CCDC177: variants seen among roughly 807,000 people sequenced by gnomAD.
The protein encoded by CCDC177 is coiled-coil domain-containing protein 177.
A neutral mutation model predicts 7.3 loss-of-function variants in CCDC177; 2 were observed. The ratio of observed to expected loss-of-function variants is 0.28; its 90% CI spans 0.11 to 0.87. The LOEUF is 0.87. Among genes scored for constraint, CCDC177 ranks in the 40% least tolerant of loss-of-function variants. The pLI is 0.61. For synonymous variants in CCDC177, 401 were observed against 449.2 expected (o/e 0.89, Z 1.36); for missense variants, 874 against 970.5 (o/e 0.90, Z 1.32).
rs1391348588 is a variant in CCDC177 at position 69,572,268 on chromosome 14, A to G, written c.1355T>C (p.Leu452Pro). ...GTTCTGCTCCTGCTGAAGCTTGCGC[A>G]GCCGATCCTCCCGGGCCGCGCGCTC... ...RAERAAREDR[L>P]RKLQQEQNLK... Residue 452 changes from leucine (L) to proline (P), a missense_variant, in exon 2 of 2, where the codon CTG becomes CCG. Leu to Pro is a moderately conservative substitution (Grantham distance 98, BLOSUM62 -3). Transcript: ENST00000599174. 8.1e-7 allele frequency: 1 copy of G among 1,228,440 alleles called. No individual in the cohort carries two copies. Among genetic ancestry groups the G allele is most frequent in the Non-Finnish European group, 1.0e-6 (1 of 986,252 alleles). 76.1% of individuals were successfully genotyped at this position (1,228,440 alleles called of 1,614,324 possible). A position where few individuals can be genotyped will look rare whatever the true frequency, so the allele number is the denominator to read the frequency against.
rs1179666797 is a variant in CCDC177, at chr14:69,573,029, G to A, written c.594C>T (p.Ala198=). Residue 198 remains alanine (A), a synonymous_variant, in exon 2 of 2, where the codon GCC becomes GCT. Transcript: ENST00000599174. The stretch of plus-strand genomic sequence containing the variant: ...TGCGGGCCGCACGCGGCGCGGGCGA[G>A]GCCGGGAGGCTGGCGCTGCTGCAGC... ...SSSCSSASLP[A]SPAPRAARKA... 8.9e-5 allele frequency: 109 copies of A among 1,229,318 alleles called. No homozygotes were observed. Among genetic ancestry groups the A allele is most frequent in the Admixed American group, 2.1e-4 (5 of 23,542 alleles). 76.2% of individuals were successfully genotyped at this position (1,229,318 alleles called of 1,614,324 possible).
At chr14:69,574,363 G>A (rs1048151065) in intron 1 of CCDC177, among the ~76,000 whole-genome samples, 179 bp downstream of exon 1, 10 of 152,134 alleles carry the variant, frequency 6.6e-5, no homozygotes, top group Admixed American at 6.5e-4. Context: ...CAGACGCACC[G>A]GATCTCCTCC....
chr14:69,572,757 C>G lies in CCDC177; in HGVS notation c.866G>C (p.Arg289Pro), dbSNP rs1403083706. Residue 289 changes from arginine (R) to proline (P), a missense_variant, in exon 2 of 2, where the codon CGC (arginine) becomes CCC (proline). Physicochemically the swap from Arg to Pro is moderately radical, Grantham distance 103 (BLOSUM62 -2). Coordinates refer to ENST00000599174, the MANE Select transcript of CCDC177 (RefSeq NM_001271507.2). ...SASSTTNAPG[R>P]PSALTLVPIT... ...CGGAACCAGGGTCAGGGCAGACGGG[C>G]GGCCCGGAGCGTTGGTGGTGGAGGA... is the stretch of plus-strand genomic sequence containing the variant. The G allele has an allele frequency of 8.1e-7, 1 of 1,231,418 alleles. No homozygotes were observed. Among genetic ancestry groups the G allele is most frequent in the Non-Finnish European group, 1.0e-6 (1 of 987,820 alleles). The allele number at this position is 1,231,418 out of a possible 1,614,324, so 76.3% of individuals were successfully genotyped here.
Position 69,572,924 on chromosome 14 carries a change from C to T in CCDC177, c.699G>A (p.Leu233=). 8.1e-7 allele frequency: 1 copy of T among 1,231,412 alleles called. No individual in the cohort carries two copies. The highest frequency in any genetic ancestry group is 1.0e-6 in the Non-Finnish European group (1 of 987,790). The allele number at this position is 1,231,412 out of a possible 1,614,324, so 76.3% of individuals were successfully genotyped here. A position where few individuals can be genotyped will look rare whatever the true frequency, so the allele number is the denominator to read the frequency against. The change falls in exon 2 of 2, where the codon CTG becomes CTA. Residue 233 remains leucine (L), a synonymous_variant. Coordinates refer to ENST00000599174, the MANE Select transcript of CCDC177 (RefSeq NM_001271507.2). ...GSRTGRKSHS[L]DSLSRRREGA... is the part of the protein sequence containing the mutation. ...CCTCACGCCGGCGGGACAGTGAGTC[C>T]AGCGAATGGCTCTTCCTGCCTGTTC...
In CCDC177 at chr14:69,572,987, G is replaced by C. The variant is rs1393389253; in HGVS notation, c.636C>G (p.Pro212=). The part of the protein sequence containing the change: ...PRAARKASPS[P]SSARTQPPPA... Reference sequence around the variant, plus strand: ...GCGGAGGTTGGGTCCGGGCGGAGGAGGGACTAGGGGAAGCCTTGCGGGCCG... The same window carrying C: ...GCGGAGGTTGGGTCCGGGCGGAGGACGGACTAGGGGAAGCCTTGCGGGCCG... Residue 212 remains proline (P), a synonymous_variant, in exon 2 of 2, where the codon CCC becomes CCG. Coordinates refer to ENST00000599174, the MANE Select transcript of CCDC177 (RefSeq NM_001271507.2). 2.8e-5 allele frequency: 35 copies of C among 1,230,780 alleles called. No individual in the cohort carries two copies. In the African/African-American group the frequency reaches 3.4e-4, roughly 12 times the overall value. The allele number at this position is 1,230,780 out of a possible 1,614,324, so 76.2% of individuals were successfully genotyped here. A position where few individuals can be genotyped will look rare whatever the true frequency, so the allele number is the denominator to read the frequency against.
chr14:69,573,589 C>T lies in CCDC177; in HGVS notation c.34G>A (p.Gly12Arg). 8.1e-7 allele frequency: 1 copy of T among 1,231,860 alleles called. No homozygotes were observed. The highest frequency in any genetic ancestry group is 3.2e-5 in the East Asian group (1 of 31,698). 76.3% of individuals were successfully genotyped at this position (1,231,860 alleles called of 1,614,324 possible). A position where few individuals can be genotyped will look rare whatever the true frequency, so the allele number is the denominator to read the frequency against. Reference sequence around the variant, plus strand: ...CCTCCAGAGTCGCCGGGTTCCGCTCCTGCCTTCTCTTCTTCAGGCACTGGG... The same window carrying T: ...CCTCCAGAGTCGCCGGGTTCCGCTCTTGCCTTCTCTTCTTCAGGCACTGGG... ...VDPVPEEEKA[G>R]AEPGDSGGDE... Residue 12 changes from glycine (G) to arginine (R), a missense_variant, in exon 2 of 2, where the codon GGA becomes AGA. By Grantham distance (125) the Gly-to-Arg change is moderately radical. Coordinates refer to ENST00000599174, the MANE Select transcript of CCDC177 (RefSeq NM_001271507.2).
Position 69,571,854 on chromosome 14 carries a change from C to G in CCDC177, c.1769G>C (p.Arg590Pro), listed in dbSNP as rs972948889. The change falls in exon 2 of 2, where the codon CGG becomes CCG. Residue 590 changes from arginine to proline, a missense_variant. Arg to Pro is a moderately radical substitution (Grantham distance 103, BLOSUM62 -2). Transcript: ENST00000599174. ...EHQAHLEALARAGERRLQHAT... is the reference protein window; with the variant it reads ...EHQAHLEALAPAGERRLQHAT... ...GTGCTGCAGCCGTCGCTCCCCCGCC[C>G]GGGCCAGCGCCTCCAGGTGCGCCTG... 2.4e-6 allele frequency: 3 copies of G among 1,231,518 alleles called. No homozygotes were observed. Among genetic ancestry groups the G allele is most frequent in the African/African-American group, 1.6e-5 (1 of 64,424 alleles). 76.3% of individuals were successfully genotyped at this position (1,231,518 alleles called of 1,614,324 possible).
chr14:69,573,907 G>A (rs943678668), intron 1 of CCDC177, among the ~76,000 whole-genome samples: 3 of 152,344 alleles, frequency 2.0e-5, no homozygotes, highest in South Asian at 4.1e-4. Context: ...CCTGTGGCGA[G>A]GCTCCTCTGG....
rs7494244 is a variant in CCDC177, at chr14:69,570,894, A to T, written c.*605T>A. On this transcript the variant is annotated 3_prime_UTR_variant, in exon 2 of 2. Transcript: ENST00000599174. ...AAGGGACTAAACTGGAAAACTATCA[A>T]AACTGGTGAGAATTTGCTCAGGTGG... The T allele has an allele frequency of 0.77, 352,258 of 457,478 alleles. 137,222 individuals are homozygous for T. Among genetic ancestry groups the T allele is most frequent in the Admixed American group, 0.87 (36,956 of 42,576 alleles). The allele number at this position is 457,478 out of a possible 1,614,324, so 28.3% of individuals were successfully genotyped here.
At chr14:69,573,702 C>T in intron 1 of CCDC177, 52 bp from the exon 2 acceptor site, 2 of 1,225,038 alleles carry the variant, frequency 1.6e-6, no homozygotes, top group Non-Finnish European at 2.0e-6. Flanking sequence ...GCTCTTCCCC[C>T]CTCCTCATCC....
chr14:69,571,919 C>T lies in CCDC177; in HGVS notation c.1704G>A (p.Arg568=), dbSNP rs181281159. ...ERARREELQG[R]RAKEAAERKE... is the part of the protein sequence containing the mutation. ...TGCGCTCTGCCGCCTCCTTGGCCCG[C>T]CGACCCTGCAGCTCCTCTCGCCGGG... The change falls in exon 2 of 2, where the codon CGG becomes CGA. Residue 568 remains arginine, a synonymous_variant. Transcript: ENST00000599174. 8.9e-6 allele frequency: 11 copies of T among 1,232,028 alleles called. No homozygotes were observed. In the Admixed American group the frequency reaches 1.7e-4, roughly 19 times the overall value. The allele number at this position is 1,232,028 out of a possible 1,614,324, so 76.3% of individuals were successfully genotyped here. A position where few individuals can be genotyped will look rare whatever the true frequency, so the allele number is the denominator to read the frequency against.
In CCDC177 at chr14:69,573,080, CGAGGCCGCGGCGGCG is replaced by C; in HGVS notation, c.528_542del (p.Ala178_Ala182del). ...TGCTGCTGCTGCCCGCGCTCGGGGC[CGAGGCCGCGGCGGCG>C]GCGGCGGCGGCGGCGGCCGCGGGGC... On this transcript the variant is annotated inframe_deletion, in exon 2 of 2. Transcript: ENST00000599174. 1 of 1,144,342 alleles carries C rather than the reference CGAGGCCGCGGCGGCG, an allele frequency of 8.7e-7. No individual in the cohort carries two copies. The highest frequency in any genetic ancestry group is 2.2e-5 in the African/African-American group (1 of 45,012). The allele number at this position is 1,144,342 out of a possible 1,614,324, so 70.9% of individuals were successfully genotyped here. A position where few individuals can be genotyped will look rare whatever the true frequency, so the allele number is the denominator to read the frequency against.
rs1884327900 is a variant in CCDC177, at chr14:69,571,708, G to A, written c.1915C>T (p.Arg639Cys). 1 of 1,231,762 alleles carries A rather than the reference G, an allele frequency of 8.1e-7. No individual in the cohort carries two copies. Among genetic ancestry groups the A allele is most frequent in the African/African-American group, 1.6e-5 (1 of 64,514 alleles). 76.3% of individuals were successfully genotyped at this position (1,231,762 alleles called of 1,614,324 possible). Residue 639 changes from arginine to cysteine, a missense_variant, in exon 2 of 2, where the codon CGC becomes TGC. Transcript: ENST00000599174. ...KEKVERDEDC[R>C]RRELLQAIGR... ...ATGGCCTGGAGTAGCTCTCGCCGGC[G>A]GCAGTCTTCGTCCCTCTCCACCTTC...
In CCDC177 at chr14:69,571,932, T is replaced by A; in HGVS notation, c.1691A>T (p.Glu564Val). ...RELRERARRE[E>V]LQGRRAKEAA... is the part of the protein sequence containing the mutation. The stretch of plus-strand genomic sequence containing the variant: ...CTCCTTGGCCCGCCGACCCTGCAGC[T>A]CCTCTCGCCGGGCCCGCTCCCGCAG... The change falls in exon 2 of 2, where the codon GAG becomes GTG. Residue 564 changes from glutamate (E) to valine (V), a missense_variant. Coordinates refer to ENST00000599174, the MANE Select transcript of CCDC177 (RefSeq NM_001271507.2). The A allele has an allele frequency of 2.4e-6, 3 of 1,232,056 alleles. No individual in the cohort carries two copies. The highest frequency in any genetic ancestry group is 3.0e-6 in the Non-Finnish European group (3 of 988,336). The allele number at this position is 1,232,056 out of a possible 1,614,324, so 76.3% of individuals were successfully genotyped here.
chr14:69,572,482 C>A lies in CCDC177; in HGVS notation c.1141G>T (p.Glu381Ter), dbSNP rs1884348586. Residue 381 changes from glutamate (E) to a stop codon, truncating the protein, a stop_gained, in exon 2 of 2, where the codon GAG (glutamate) becomes TAG (stop). Transcript: ENST00000599174. LOFTEE classifies it low-confidence loss of function (END_TRUNC). ...TCTAGGGCGCGCTGCTTCTCCCGCTCCTCGCGCTCCCGCCGCTGCTTGGCG... is the reference window on the plus strand; with the variant it reads ...TCTAGGGCGCGCTGCTTCTCCCGCTACTCGCGCTCCCGCCGCTGCTTGGCG... Reference protein sequence around the residue: ...VHAKQRREREEREKQRALEQG... With the variant: ...VHAKQRRERE 8.1e-7 allele frequency: 1 copy of A among 1,230,374 alleles called. No homozygotes were observed. 76.2% of individuals were successfully genotyped at this position (1,230,374 alleles called of 1,614,324 possible).
rs1033483987 is a variant in CCDC177, at chr14:69,571,013, C to A, written c.*486G>T. 3 of 461,642 alleles carry A rather than the reference C, an allele frequency of 6.5e-6. No individual in the cohort carries two copies. Among genetic ancestry groups the A allele is most frequent in the Admixed American group, 2.3e-5 (1 of 42,648 alleles). The allele number at this position is 461,642 out of a possible 1,614,324, so 28.6% of individuals were successfully genotyped here. On this transcript the variant is annotated 3_prime_UTR_variant, in exon 2 of 2. Coordinates refer to ENST00000599174, the MANE Select transcript of CCDC177 (RefSeq NM_001271507.2). Reference sequence around the variant, plus strand: ...GCTGTGTTTCTCTGGGAGGCCTCCGCGATTTGTGCAGCTTGCCATATTTTG... The same window carrying A: ...GCTGTGTTTCTCTGGGAGGCCTCCGAGATTTGTGCAGCTTGCCATATTTTG...
chr14:69,572,060 C>T lies in CCDC177; in HGVS notation c.1563G>A (p.Arg521=). 8.1e-7 allele frequency: 1 copy of T among 1,230,888 alleles called. No individual in the cohort carries two copies. Among genetic ancestry groups the T allele is most frequent in the Non-Finnish European group, 1.0e-6 (1 of 987,416 alleles). The allele number at this position is 1,230,888 out of a possible 1,614,324, so 76.2% of individuals were successfully genotyped here. ...RHEALLQGRT[R]QQRQEREGLR... ...GGCCCTCTCGCTCCTGGCGCTGCTG[C>T]CGGGTCCGACCCTGTAGCAGCGCCT... The change falls in exon 2 of 2, where the codon CGG becomes CGA. Residue 521 remains arginine (R), a synonymous_variant. Transcript: ENST00000599174.
rs977934397 is a variant in CCDC177 at position 69,573,477 on chromosome 14, G to A, written c.146C>T (p.Ala49Val). 1.1e-5 allele frequency: 13 copies of A among 1,231,320 alleles called. No individual in the cohort carries two copies. Among genetic ancestry groups the A allele is most frequent in the Non-Finnish European group, 1.0e-5 (10 of 987,758 alleles). The allele number at this position is 1,231,320 out of a possible 1,614,324, so 76.3% of individuals were successfully genotyped here. A position where few individuals can be genotyped will look rare whatever the true frequency, so the allele number is the denominator to read the frequency against. ...TGGGACTTCTGCCTTGCGGGGCACC[G>A]CCGCGGAGGCCGAGGCCGAGGCCGA... ...ASSASASASA[A>V]VPRKAEVPCA... Residue 49 changes from alanine to valine, a missense_variant, in exon 2 of 2, where the codon GCG becomes GTG. Ala to Val is a moderately conservative substitution (Grantham distance 64). Transcript: ENST00000599174.
Position 69,572,976 on chromosome 14 carries a change from C to T in CCDC177, c.647G>A (p.Arg216Gln), listed in dbSNP as rs1341303413. 2 of 1,230,734 alleles carry T rather than the reference C, an allele frequency of 1.6e-6. No individual in the cohort carries two copies. The highest frequency in any genetic ancestry group is 4.2e-5 in the Admixed American group (1 of 23,650). 76.2% of individuals were successfully genotyped at this position (1,230,734 alleles called of 1,614,324 possible). The change falls in exon 2 of 2, where the codon CGG becomes CAG. Residue 216 changes from arginine (R) to glutamine (Q), a missense_variant. Arg to Gln is a conservative substitution (Grantham distance 43). Coordinates refer to ENST00000599174, the MANE Select transcript of CCDC177 (RefSeq NM_001271507.2). ...RKASPSPSSA[R>Q]TQPPPAGSRT... ...AGAACCCGCTGGCGGAGGTTGGGTC[C>T]GGGCGGAGGAGGGACTAGGGGAAGC...
Sources: gnomAD v4.1 joint callset for allele counts (sites outside exome capture counted in the v4.1 genomes callset) on GRCh38, gnomAD v4.1.1 for gene constraint, MANE v1.5 for transcripts, NCBI Gene and HGNC (gene_info 2026-07-23, HGNC 2026-07-21) for gene names.